SLCO1C1: variants seen among roughly 807,000 people sequenced by gnomAD.
SLCO1C1 encodes the protein solute carrier organic anion transporter family member 1C1.
In SLCO1C1, 70 loss-of-function variants were observed where a neutral mutation model predicts 76.4. The observed-to-expected ratio is 0.92, with a 90% confidence interval of 0.76 to 1.12. SLCO1C1 has a LOEUF of 1.12. SLCO1C1 is among the 50% of genes most tolerant of loss of function. The probability of loss-of-function intolerance (pLI) is 0.00; values close to 1 mark genes in which losing one functional copy is unlikely to be tolerated. For synonymous variants in SLCO1C1, 306 were observed against 286.1 expected, an observed-to-expected ratio of 1.07 and a Z score of -0.70; for missense variants, 912 against 823.8, an observed-to-expected ratio of 1.11 and a Z score of -1.31.
At chr12:20,726,433 C>G (rs1488847318) in intron 9 of SLCO1C1, among the ~76,000 whole-genome samples, 1 of 152,018 alleles carries the variant, frequency 6.6e-6, no homozygotes, top group Non-Finnish European at 1.5e-5. Flanking sequence ...ACAACTTAGT[C>G]TTCCTGTACA....
intron 6 of SLCO1C1, among the ~76,000 whole-genome samples, chr12:20,716,078 C>A (rs183646092): frequency 6.6e-6 from 1 of 152,304 alleles, no homozygotes; most frequent in African/African-American, 2.4e-5. Flanking sequence ...CGTTCAGGGA[C>A]AGAAAGGCAA....
At chr12:20,717,262 A>G in intron 7 of SLCO1C1, 32 bp downstream of exon 7, 11 of 1,530,150 alleles carry the variant, frequency 7.2e-6, no homozygotes, top group Non-Finnish European at 9.7e-6. Flanking sequence ...TTATTCATGT[A>G]TTTTAGTCAC....
At chr12:20,750,813 C>T (rs1322383589) in intron 14 of SLCO1C1, 21 bp downstream of exon 14, 2 of 1,613,834 alleles carry the variant, frequency 1.2e-6, no homozygotes. Context: ...AAAAGCATTC[C>T]CGCATCTCAT....
Position 20,699,476 on chromosome 12 carries a change from G to T in SLCO1C1, c.-25-76G>T, listed in dbSNP as rs1325390479. 4 of 1,198,694 alleles carry T rather than the reference G, an allele frequency of 3.3e-6. No homozygotes were observed. The African/African-American group carries it at 6.4e-5, about 19-fold the overall frequency. The allele number at this position is 1,198,694 out of a possible 1,614,324, so 74.3% of individuals were successfully genotyped here. On this transcript the variant is annotated intron_variant, in intron 1 of 14. Coordinates refer to ENST00000266509, the MANE Select transcript of SLCO1C1 (RefSeq NM_017435.5). ...TTTAAATTGCGTCTATAGAATTGTG[G>T]TATACTGTTGAATAAAAAAATTTAA...
At chr12:20,723,987 G>GA (rs1253877039) in intron 9 of SLCO1C1, among the ~76,000 whole-genome samples, 2 of 151,972 alleles carry the variant, frequency 1.3e-5, no homozygotes, top group Non-Finnish European at 2.9e-5. Context: ...CCTGGAAGGA[G>GA]AAAAAAACAG....
chr12:20,739,397 TG>T (rs1334089472), intron 11 of SLCO1C1, among the ~76,000 whole-genome samples: 4 of 151,754 alleles, frequency 2.6e-5, no homozygotes, highest in African/African-American at 9.7e-5. Flanking sequence ...TGTTTTTTTT[TG>T]TTTTTTTTTT....
chr12:20,718,082 C>T (rs1209533763), intron 7 of SLCO1C1, among the ~76,000 whole-genome samples: 1 of 152,084 alleles, frequency 6.6e-6, no homozygotes, highest in Admixed American at 6.6e-5. Context: ...TTACTTTATG[C>T]CAGGTGCTAT....
At chr12:20,730,004 C>T (rs1208202089) in intron 9 of SLCO1C1, among the ~76,000 whole-genome samples, 1 of 152,010 alleles carries the variant, frequency 6.6e-6, no homozygotes, top group African/African-American at 2.4e-5. Context: ...CTATTCTAGG[C>T]TGCTGGGGGT....
chr12:20,704,144 T>C (rs1242443051), intron 3 of SLCO1C1, among the ~76,000 whole-genome samples: 1 of 151,686 alleles, frequency 6.6e-6, no homozygotes, highest in African/African-American at 2.4e-5. Flanking sequence ...TTAAAGATTT[T>C]GTATCATCAT....
intron 3 of SLCO1C1, among the ~76,000 whole-genome samples, chr12:20,702,497 G>T (rs1403105561): frequency 6.6e-6 from 1 of 151,848 alleles, no homozygotes; most frequent in African/African-American, 2.4e-5. Context: ...TTTAAAACCT[G>T]AATTGGTAGG....
At chr12:20,719,130 T>TTATTAC (rs1947528152) in intron 7 of SLCO1C1, among the ~76,000 whole-genome samples, 1 of 150,366 alleles carries the variant, frequency 6.7e-6, no homozygotes. Flanking sequence ...ATTATTATTA[T>TTATTAC]TAGCTTACCC....
chr12:20,730,783 T>C (rs1948226604), intron 9 of SLCO1C1, among the ~76,000 whole-genome samples: 1 of 152,186 alleles, frequency 6.6e-6, no homozygotes, highest in African/African-American at 2.4e-5. Flanking sequence ...AATGACCCTT[T>C]GTTATCATCT....
chr12:20,728,011 G>C (rs998593819), intron 9 of SLCO1C1, among the ~76,000 whole-genome samples: 1 of 152,194 alleles, frequency 6.6e-6, no homozygotes, highest in Non-Finnish European at 1.5e-5. Flanking sequence ...CTGCGCAGAA[G>C]CTCTTTAGTT....
chr12:20,752,811 C>CT lies in SLCO1C1; in HGVS notation c.*284dup. 4.9e-6 allele frequency: 1 copy of CT among 203,038 alleles called. No homozygotes were observed. The highest frequency in any genetic ancestry group is 1.2e-4 in the East Asian group (1 of 8,480). 12.6% of individuals were successfully genotyped at this position (203,038 alleles called of 1,614,324 possible). A position where few individuals can be genotyped will look rare whatever the true frequency, so the allele number is the denominator to read the frequency against. On this transcript the variant is annotated 3_prime_UTR_variant, in exon 15 of 15. Transcript: ENST00000266509. ...CTTTGTGCTCATTGATATATATTAGCTGTACTCCTAGAAGAACAATTGTCT... is the reference window on the plus strand; with the variant it reads ...CTTTGTGCTCATTGATATATATTAGCTTGTACTCCTAGAAGAACAATTGTCT...
rs760673496 is a variant in SLCO1C1 at position 20,711,336 on chromosome 12, T to C, written c.405-50T>C. ...TCGTGTAGCATACACATAATATTCT[T>C]AGTATGATGTTAATGAGTCTATCAT... On this transcript the variant is annotated intron_variant, in intron 4 of 14. Coordinates refer to ENST00000266509, the MANE Select transcript of SLCO1C1 (RefSeq NM_017435.5). 5.1e-6 allele frequency: 8 copies of C among 1,573,460 alleles called. No homozygotes were observed. The African/African-American group carries it at 8.2e-5, about 16-fold the overall frequency.
At chr12:20,745,764 G>A (rs901467451) in intron 13 of SLCO1C1, among the ~76,000 whole-genome samples, 1 of 151,864 alleles carries the variant, frequency 6.6e-6, no homozygotes, top group Non-Finnish European at 1.5e-5. Flanking sequence ...GGCAGAGGTT[G>A]CAGTGAGCTG....
At chr12:20,750,846 A>C in intron 14 of SLCO1C1, 54 bp downstream of exon 14, 1 of 1,613,958 alleles carries the variant, frequency 6.2e-7, no homozygotes, top group South Asian at 1.1e-5. Flanking sequence ...CCAGATTTAC[A>C]CAATGCCACT....
At chr12:20,710,940 T>C (rs1281407041) in intron 4 of SLCO1C1, among the ~76,000 whole-genome samples, 1 of 152,138 alleles carries the variant, frequency 6.6e-6, no homozygotes, top group Non-Finnish European at 1.5e-5. Flanking sequence ...TTATTTTCTG[T>C]CATTAATTGA....
At chr12:20,720,933 G>A (rs566482645) in intron 7 of SLCO1C1, among the ~76,000 whole-genome samples, 64 of 145,208 alleles carry the variant, frequency 4.4e-4, no homozygotes, top group Non-Finnish European at 7.9e-4. Flanking sequence ...GGAGGCGGAG[G>A]TTGTGGTGGG....
Sources: allele counts gnomAD v4.1 joint callset (sites outside exome capture counted in the v4.1 genomes callset), GRCh38; gene constraint gnomAD v4.1.1; transcripts MANE v1.5; gene names NCBI Gene and HGNC (gene_info 2026-07-23, HGNC 2026-07-21).